The following BRIX1 variants were observed in gnomAD, a reference collection of about 807,000 sequenced individuals.
BRIX1 encodes ribosome biogenesis protein BRX1 homolog.
Under a neutral mutation model 44.0 loss-of-function variants are expected in BRIX1, and 15 were observed. The ratio of observed to expected loss-of-function variants is 0.34; its 90% confidence interval spans 0.23 to 0.53. BRIX1 has a LOEUF of 0.53. BRIX1 is among the 20% of genes least tolerant of loss of function. The pLI is 0.95. For synonymous variants in BRIX1, 149 were observed against 135.4 expected (o/e 1.10, Z -0.70); for missense variants, 420 against 432.8 (o/e 0.97, Z 0.26).
chr5:34,918,325 T>G, intron 1 of BRIX1, 39 bp from the exon 2 acceptor site: 1 of 1,082,410 alleles, frequency 9.2e-7, no homozygotes, highest in Non-Finnish European at 1.4e-6. Context: ...CAGTTCAGTA[T>G]AAGATTTTAA....
intron 3 of BRIX1, 44 bp downstream of exon 3, chr5:34,919,927 A>G (rs1764204688): frequency 1.4e-6 from 1 of 723,700 alleles, no homozygotes. Flanking sequence ...TTAAAATGTT[A>G]ACAGTGGCTT....
In BRIX1 at chr5:34,924,861, T is replaced by C. The variant is rs1468402474; in HGVS notation, c.678T>C (p.Asp226=). Reference sequence around the variant, plus strand: ...TTTTATTAAAGATCATAGAAGAAGATGCTGCTCTTGTAGAAATAGGACCTC... The same window carrying C: ...TTTTATTAAAGATCATAGAAGAAGACGCTGCTCTTGTAGAAATAGGACCTC... ...WFRNFQIIEE[D]AALVEIGPRF... is the part of the protein sequence containing the mutation. The change falls in exon 9 of 10, where the codon GAT becomes GAC. Residue 226 remains aspartate, a synonymous_variant. Transcript: ENST00000336767. 2 of 1,604,528 alleles carry C rather than the reference T, an allele frequency of 1.2e-6. No homozygotes were observed. Among genetic ancestry groups the C allele is most frequent in the African/African-American group, 2.7e-5 (2 of 74,724 alleles).
At chr5:34,923,271 TA>T in intron 8 of BRIX1, 37 bp downstream of exon 8, 1 of 1,407,888 alleles carries the variant, frequency 7.1e-7, no homozygotes, top group African/African-American at 1.4e-5. Flanking sequence ...ACCTTTTTTT[TA>T]ATTGAGTTTA....
At position 34,923,092 on chromosome 5, in the gene BRIX1, A is replaced by G. The variant is rs557077850; in HGVS notation, c.561+41A>G. The G allele has an allele frequency of 3.7e-4, 576 of 1,577,016 alleles. 11 individuals are homozygous for G. In the South Asian group the frequency reaches 6.1e-3, roughly 17 times the overall value. On this transcript the variant is annotated intron_variant, in intron 7 of 9. Transcript: ENST00000336767. ...ATTAGCTATCCAAAATATACATGAT[A>G]TATCTTGGAATAAGGAACTAACATA...
intron 1 of BRIX1, among the ~76,000 whole-genome samples, chr5:34,917,166 G>C (rs898976849): frequency 2.0e-5 from 3 of 152,162 alleles, no homozygotes; most frequent in Admixed American, 2.0e-4. Context: ...GAAAGACTTT[G>C]AAGTAGGGAA....
At chr5:34,921,874 T>G in intron 3 of BRIX1, 1 of 143,020 alleles carries the variant, frequency 7.0e-6, no homozygotes, top group Non-Finnish European at 1.4e-5. Context: ...GCCATTGCAC[T>G]CCAGCCTGGG....
intron 3 of BRIX1, 73 bp from the exon 4 acceptor site, chr5:34,922,144 A>G (rs1764252686): frequency 3.6e-6 from 3 of 827,734 alleles, no homozygotes; most frequent in Non-Finnish European, 5.8e-6. Flanking sequence ...TCTGGATGAT[A>G]TTAATCACAT....
chr5:34,924,766 A>T, intron 8 of BRIX1, 81 bp from the exon 9 acceptor site: 1 of 860,116 alleles, frequency 1.2e-6, no homozygotes, highest in South Asian at 1.9e-5. Flanking sequence ...TTTCAGGCAC[A>T]TTTATAATGA....
intron 1 of BRIX1, chr5:34,918,139 A>C (rs1764157094): frequency 7.0e-6 from 2 of 286,994 alleles, no homozygotes; most frequent in Non-Finnish European, 1.2e-5. Context: ...TCCCATCTCT[A>C]CAAAAAAAAA....
In BRIX1 at chr5:34,925,542, G is replaced by C; in HGVS notation, c.*47G>C. 1 of 1,508,362 alleles carries C rather than the reference G, an allele frequency of 6.6e-7. No individual in the cohort carries two copies. Among genetic ancestry groups the C allele is most frequent in the Non-Finnish European group, 9.0e-7 (1 of 1,111,066 alleles). The allele number at this position is 1,508,362 out of a possible 1,614,324, so 93.4% of individuals were successfully genotyped here. A position where few individuals can be genotyped will look rare whatever the true frequency, so the allele number is the denominator to read the frequency against. ...TTTTCAGTTACTTTATATTTATTTT[G>C]TATTCAATGTGTAAATACTTTTATT... On this transcript the variant is annotated 3_prime_UTR_variant, in exon 10 of 10. Coordinates refer to ENST00000336767, the MANE Select transcript of BRIX1 (RefSeq NM_018321.4).
Position 34,915,875 on chromosome 5 carries a change from G to C in BRIX1, c.137G>C (p.Arg46Pro), listed in dbSNP as rs1168099195. ...GAGGTGGAGGAAGAAGAGAGGGACC[G>C]GATCCCAGGCCCCGTTTGCAAGGTA... ...AEEVEEEERD[R>P]IPGPVCKGKW... Residue 46 changes from arginine to proline, a missense_variant, in exon 1 of 10, where the codon CGG becomes CCG. Coordinates refer to ENST00000336767, the MANE Select transcript of BRIX1 (RefSeq NM_018321.4). 1 of 1,559,456 alleles carries C rather than the reference G, an allele frequency of 6.4e-7. No homozygotes were observed. Among genetic ancestry groups the C allele is most frequent in the Non-Finnish European group, 8.7e-7 (1 of 1,151,684 alleles).
chr5:34,924,765 C>T (rs112332734), intron 8 of BRIX1, 82 bp from the exon 9 acceptor site: 38 of 834,478 alleles, frequency 4.6e-5, no homozygotes, highest in East Asian at 3.5e-4. Context: ...ATTTCAGGCA[C>T]ATTTATAATG....
At chr5:34,924,694 A>T (rs1304023660) in intron 8 of BRIX1, among the ~76,000 whole-genome samples, 153 bp from the exon 9 acceptor site, 3 of 152,192 alleles carry the variant, frequency 2.0e-5, no homozygotes, top group African/African-American at 7.2e-5. Context: ...ATTTCAGAAA[A>T]TATTGATGAT....
Position 34,923,828 on chromosome 5 carries a change from C to T in BRIX1, c.663+594C>T, listed in dbSNP as rs182556911. Among the ~76,000 whole-genome samples the T allele has an allele frequency of 4.5e-4, 68 of 152,318 alleles. 1 individual carries two copies. Among genetic ancestry groups the T allele is most frequent in the Non-Finnish European group, 7.4e-5 (5 of 68,022 alleles). ...AGAGATTGCTGCAAGTAACTATGTA[C>T]TGTCTTATATCTTAAGTGAGCTCTA... is the stretch of plus-strand genomic sequence containing the variant. On this transcript the variant is annotated intron_variant, in intron 8 of 9. Coordinates refer to ENST00000336767, the MANE Select transcript of BRIX1 (RefSeq NM_018321.4).
In BRIX1 at chr5:34,915,849, G is replaced by A; in HGVS notation, c.111G>A (p.Glu37=). ...EPPAKRHATA[E]EVEEEERDRI... is the part of the protein sequence containing the mutation. ...CAGCTAAGCGGCACGCCACAGCAGA[G>A]GAGGTGGAGGAAGAAGAGAGGGACC... Residue 37 remains glutamate, a synonymous_variant, in exon 1 of 10, where the codon GAG becomes GAA. Coordinates refer to ENST00000336767, the MANE Select transcript of BRIX1 (RefSeq NM_018321.4). 6.4e-7 allele frequency: 1 copy of A among 1,566,410 alleles called. No individual in the cohort carries two copies. Among genetic ancestry groups the A allele is most frequent in the Non-Finnish European group, 8.7e-7 (1 of 1,155,300 alleles).
Position 34,918,446 on chromosome 5 carries a change from T to G in BRIX1, c.242T>G (p.Leu81Trp). The G allele has an allele frequency of 1.2e-6, 2 of 1,608,930 alleles. No homozygotes were observed. The highest frequency in any genetic ancestry group is 1.7e-6 in the Non-Finnish European group (2 of 1,176,766). The change falls in exon 2 of 10, where the codon TTG becomes TGG. Residue 81 changes from leucine (L) to tryptophan (W), a missense_variant. Transcript: ENST00000336767. Reference sequence around the variant, plus strand: ...AGAACAAGACATTTAATGCAGGACTTGAGAATGTTGATGCCTCATTCTAAA... The same window carrying G: ...AGAACAAGACATTTAATGCAGGACTGGAGAATGTTGATGCCTCATTCTAAA... ...NFRTRHLMQDLRMLMPHSKAD... is the reference protein window; with the variant it reads ...NFRTRHLMQDWRMLMPHSKAD...
In BRIX1 at chr5:34,924,878, T is replaced by C. The variant is rs1764337230; in HGVS notation, c.695T>C (p.Ile232Thr). ...IIEEDAALVE[I>T]GPRFVLNLIK... ...GAAGAAGATGCTGCTCTTGTAGAAA[T>C]AGGACCTCGTTTTGTCTTAAATCTC... Residue 232 changes from isoleucine to threonine, a missense_variant, in exon 9 of 10, where the codon ATA becomes ACA. Transcript: ENST00000336767. 1.9e-6 allele frequency: 3 copies of C among 1,605,956 alleles called. No homozygotes were observed. Among genetic ancestry groups the C allele is most frequent in the Non-Finnish European group, 2.6e-6 (3 of 1,172,666 alleles).
chr5:34,916,586 A>G (rs949077475), intron 1 of BRIX1: 4 of 152,274 alleles, frequency 2.6e-5, no homozygotes, highest in African/African-American at 9.6e-5. Flanking sequence ...TTTATTCAAA[A>G]GAAGTGCACA....
chr5:34,921,907 C>CA (rs57343458), intron 3 of BRIX1: 2,331 of 33,844 alleles, frequency 0.069, 59 homozygotes, highest in African/African-American at 0.13. Context: ...AACTGCATCG[C>CA]AAAAAAAAAA....
Sources: allele counts gnomAD v4.1 joint callset (sites outside exome capture counted in the v4.1 genomes callset), GRCh38; gene constraint gnomAD v4.1.1; transcripts MANE v1.5; gene names NCBI Gene and HGNC (gene_info 2026-07-23, HGNC 2026-07-21).